TLK1: variants seen among roughly 807,000 people sequenced by gnomAD.
TLK1 encodes tousled like kinase 1.
In TLK1, 24 loss-of-function variants were observed where a neutral mutation model predicts 105.3. The observed-to-expected ratio is 0.23, with a 90% CI of 0.17 to 0.32. TLK1 has a LOEUF of 0.32. Among genes scored for constraint, TLK1 ranks in the 10% least tolerant of loss-of-function variants. The pLI, the probability that TLK1 is intolerant of heterozygous loss-of-function variation, is 1.00. For synonymous variants in TLK1, 321 were observed against 310.4 expected (o/e 1.03, Z -0.36); for missense variants, 558 against 910.5 (o/e 0.61, Z 4.98).
At chr2:171,008,186 A>G (rs1249687323) in intron 14 of TLK1, among the ~76,000 whole-genome samples, 1 of 152,154 alleles carries the variant, frequency 6.6e-6, no homozygotes, top group Non-Finnish European at 1.5e-5. Flanking sequence ...GTTGTTAAGA[A>G]TATTCTGTTT....
upstream of TLK1, among the ~76,000 whole-genome samples, chr2:171,161,430 T>A (rs1035308546): frequency 2.6e-5 from 4 of 151,986 alleles, no homozygotes; most frequent in Non-Finnish European, 5.9e-5. Flanking sequence ...TATGTGCGCC[T>A]CCCCGTCTGC....
At chr2:171,214,680 C>G (rs1693681327) in intron 1 of TLK1, among the ~76,000 whole-genome samples, 1 of 152,180 alleles carries the variant, frequency 6.6e-6, no homozygotes, top group South Asian at 2.1e-4. Flanking sequence ...AGTTGCTGGT[C>G]TTGGAAGAAC....
intron 11 of TLK1, among the ~76,000 whole-genome samples, chr2:171,034,007 C>T (rs1439577018): frequency 1.3e-5 from 2 of 151,142 alleles, no homozygotes; most frequent in African/African-American, 4.9e-5. Flanking sequence ...CCAGCAAACA[C>T]ATTAAAAGAT....
chr2:171,026,201 G>T (rs974454585), intron 12 of TLK1, among the ~76,000 whole-genome samples: 2 of 152,090 alleles, frequency 1.3e-5, no homozygotes, highest in African/African-American at 4.8e-5. Flanking sequence ...AAGTAAATAC[G>T]AAAAATATAG....
At chr2:171,003,824 T>TTTATCAAAAC (rs1684514788) in intron 18 of TLK1, among the ~76,000 whole-genome samples, 1 of 152,262 alleles carries the variant, frequency 6.6e-6, no homozygotes, top group Admixed American at 6.5e-5. Context: ...GTACAGTCTG[T>TTTATCAAAAC]GTTTGTATAC....
At chr2:171,148,951 GAT>G (rs576358287) in intron 1 of TLK1, among the ~76,000 whole-genome samples, 13 of 144,720 alleles carry the variant, frequency 9.0e-5, no homozygotes, top group Non-Finnish European at 7.6e-5. Context: ...GTGTATGTGC[GAT>G]ATATATATAT....
At chr2:171,169,250 A>T (rs767400739) in intron 1 of TLK1, among the ~76,000 whole-genome samples, 1 of 152,186 alleles carries the variant, frequency 6.6e-6, no homozygotes, top group Non-Finnish European at 1.5e-5. Context: ...ACGTAAATGT[A>T]CAATATTAAG....
At chr2:171,032,831 G>A (rs1311083697) in intron 11 of TLK1, among the ~76,000 whole-genome samples, 3 of 152,072 alleles carry the variant, frequency 2.0e-5, no homozygotes, top group African/African-American at 4.8e-5. Context: ...AAATAATGAA[G>A]TAGGACCCCT....
intron 3 of TLK1, among the ~76,000 whole-genome samples, chr2:171,076,601 A>C (rs1688519414): frequency 6.6e-6 from 1 of 152,018 alleles, no homozygotes; most frequent in Non-Finnish European, 1.5e-5. Context: ...GCAGGTTTTA[A>C]AACTTAGAAA....
chr2:171,043,857 G>T lies in TLK1; in HGVS notation c.1169+2317C>A, dbSNP rs1045741092. 2.6e-5 allele frequency among the ~76,000 whole-genome samples: 4 copies of T among 152,084 alleles called. No homozygotes were observed. In the East Asian group the frequency reaches 5.8e-4, roughly 22 times the overall value. On this transcript the variant is annotated intron_variant, in intron 11 of 20. Transcript: ENST00000431350. Reference sequence around the variant, plus strand: ...AGCCTTCCAAAGCACTGGGATTATAGTGTGAGACATCCCACCCAGCCCACA... The same window carrying T: ...AGCCTTCCAAAGCACTGGGATTATATTGTGAGACATCCCACCCAGCCCACA...
intron 1 of TLK1, among the ~76,000 whole-genome samples, chr2:171,212,784 CA>C (rs1475193969): frequency 2.6e-5 from 4 of 152,244 alleles, no homozygotes; most frequent in East Asian, 1.9e-4. Context: ...CCCTGTTAAT[CA>C]GGGGTCTTTA....
chr2:171,193,960 TCACCTG>T (rs1693212252), intron 1 of TLK1, among the ~76,000 whole-genome samples: 2 of 151,152 alleles, frequency 1.3e-5, no homozygotes, highest in African/African-American at 4.9e-5. Context: ...CCTCAGGTGA[TCACCTG>T]CCTTGGCCTC....
chr2:171,086,035 C>CT (rs1688957352), intron 2 of TLK1, among the ~76,000 whole-genome samples: 1 of 152,166 alleles, frequency 6.6e-6, no homozygotes, highest in South Asian at 2.1e-4. Flanking sequence ...ATTCTATCCT[C>CT]TGCTTCGTAT....
At chr2:171,080,544 A>AAATAATAATAATAATAATAATAAT (rs71008747) in intron 3 of TLK1, among the ~76,000 whole-genome samples, 40 of 145,030 alleles carry the variant, frequency 2.8e-4, no homozygotes, top group African/African-American at 9.1e-4. Context: ...AGATACACTA[A>AAATAATAATAATAATAATAATAAT]AATAATAATA....
At chr2:171,229,098 T>G (rs961058486) in intron 1 of TLK1, among the ~76,000 whole-genome samples, 2 of 152,230 alleles carry the variant, frequency 1.3e-5, no homozygotes, top group African/African-American at 4.8e-5. Context: ...TTACATCTTT[T>G]GTTTTCCAAT....
chr2:171,168,369 A>AAAACAAAT (rs2105300702), intron 1 of TLK1, among the ~76,000 whole-genome samples: 1 of 151,752 alleles, frequency 6.6e-6, no homozygotes, highest in East Asian at 1.9e-4. Context: ...CTCCTCTTCC[A>AAAACAAAT]AAAAAAATAA....
intron 2 of TLK1, among the ~76,000 whole-genome samples, chr2:171,090,523 G>C (rs1285827112): frequency 6.6e-6 from 1 of 152,190 alleles, no homozygotes; most frequent in Non-Finnish European, 1.5e-5. Flanking sequence ...TAAATGTAGT[G>C]AGGAAGAGAA....
chr2:171,213,212 T>TTTTC (rs573350387), intron 1 of TLK1, among the ~76,000 whole-genome samples: 1 of 91,232 alleles, frequency 1.1e-5, no homozygotes, highest in African/African-American at 4.1e-5. Context: ...TTTTCTTTTC[T>TTTTC]TTTTTTTTTT....
chr2:171,024,561 C>A (rs1481968304), intron 12 of TLK1, among the ~76,000 whole-genome samples: 1 of 152,098 alleles, frequency 6.6e-6, no homozygotes, highest in African/African-American at 2.4e-5. Flanking sequence ...GCAAGGAAAG[C>A]CACAAGTGAA....
Sources: allele counts gnomAD v4.1 joint callset (sites outside exome capture counted in the v4.1 genomes callset), GRCh38; gene constraint gnomAD v4.1.1; transcripts MANE v1.5; gene names NCBI Gene and HGNC (gene_info 2026-07-23, HGNC 2026-07-21).